Variants in AGO4 observed in about 807,000 individuals in gnomAD.
The protein encoded by AGO4 is argonaute RISC component 4.
Under a neutral mutation model 104.7 loss-of-function variants are expected in AGO4, and 33 were observed. The ratio of observed to expected loss-of-function variants is 0.32; its 90% CI spans 0.24 to 0.42. AGO4 has a LOEUF of 0.42. AGO4 is among the 10% of genes least tolerant of loss of function. The probability of loss-of-function intolerance (pLI) is 1.00; values close to 1 mark genes in which losing one functional copy is unlikely to be tolerated. For missense variants in AGO4, 711 were observed against 1,083.4 expected, an observed-to-expected ratio of 0.66 and a Z score of 4.83; for synonymous variants, 331 against 364.7, an observed-to-expected ratio of 0.91 and a Z score of 1.05.
At chr1:35,829,988 C>T (rs1644139004) in intron 7 of AGO4, among the ~76,000 whole-genome samples, 1 of 151,358 alleles carries the variant, frequency 6.6e-6, no homozygotes, top group African/African-American at 2.4e-5. Context: ...GGCAAGACCC[C>T]TCTATAAAAA....
intron 13 of AGO4, among the ~76,000 whole-genome samples, chr1:35,838,694 G>A (rs1231891078): frequency 1.3e-5 from 2 of 152,180 alleles, no homozygotes; most frequent in Non-Finnish European, 2.9e-5. Flanking sequence ...GGCATTGGGA[G>A]ATTTGAGTAT....
chr1:35,832,002 C>A lies in AGO4; in HGVS notation c.1117-55C>A. On this transcript the variant is annotated intron_variant, in intron 9 of 17. Coordinates refer to ENST00000373210, the MANE Select transcript of AGO4 (RefSeq NM_017629.4). ...AAAAACAAAAGAATAGAAAACTCCTCCTGGGACACAGTTACTCTCTGGTTT... is the reference window on the plus strand; with the variant it reads ...AAAAACAAAAGAATAGAAAACTCCTACTGGGACACAGTTACTCTCTGGTTT... The A allele has an allele frequency of 1.9e-6, 3 of 1,605,682 alleles. No individual in the cohort carries two copies. The South Asian group carries it at 3.4e-5, about 18-fold the overall frequency.
chr1:35,850,650 G>A lies in AGO4; in HGVS notation c.2278-204G>A, dbSNP rs553944901. Among the ~76,000 whole-genome samples, 19 of 151,564 alleles carry A rather than the reference G, an allele frequency of 1.3e-4. No homozygotes were observed. The East Asian group carries it at 1.5e-3, about 12-fold the overall frequency. ...ACAAAAATTATCTGGGCATGGTGGC[G>A]TGCACCTATAGTCCCAGCTACTTGG... On this transcript the variant is annotated intron_variant, in intron 16 of 17. Coordinates refer to ENST00000373210, the MANE Select transcript of AGO4 (RefSeq NM_017629.4).
chr1:35,825,251 TG>T, intron 3 of AGO4, 61 bp from the exon 4 acceptor site: 1 of 1,546,230 alleles, frequency 6.5e-7, no homozygotes, highest in Non-Finnish European at 8.9e-7. Flanking sequence ...TGCATATTCT[TG>T]GGATCTTTCC....
intron 15 of AGO4, among the ~76,000 whole-genome samples, chr1:35,844,029 G>A (rs1324768396): frequency 6.6e-6 from 1 of 152,072 alleles, no homozygotes; most frequent in Admixed American, 6.6e-5. Flanking sequence ...ATTGCTGGGG[G>A]AAAAGTGGTG....
intron 12 of AGO4, 50 bp downstream of exon 12, chr1:35,834,224 T>C (rs752397871): frequency 8.4e-6 from 12 of 1,422,422 alleles, no homozygotes; most frequent in African/African-American, 7.3e-5. Context: ...GCAGTAGATA[T>C]AACAGTCAGG....
intron 1 of AGO4, among the ~76,000 whole-genome samples, chr1:35,811,470 CAA>C (rs113891635): frequency 7.4e-6 from 1 of 135,836 alleles, no homozygotes. Flanking sequence ...CAAAAAAAAA[CAA>C]AAAAAAAAAC....
chr1:35,818,745 G>A (rs1643812659), intron 2 of AGO4, among the ~76,000 whole-genome samples: 1 of 152,080 alleles, frequency 6.6e-6, no homozygotes, highest in South Asian at 2.1e-4. Context: ...TGGAGTGAGT[G>A]AGTGGGGGAG....
chr1:35,840,585 C>T (rs1337104230), intron 13 of AGO4, among the ~76,000 whole-genome samples: 1 of 151,882 alleles, frequency 6.6e-6, no homozygotes, highest in Non-Finnish European at 1.5e-5. Context: ...AGGCGTGAGC[C>T]ACCACGCCCG....
At chr1:35,830,617 C>G (rs1222373023) in intron 7 of AGO4, among the ~76,000 whole-genome samples, 1 of 152,112 alleles carries the variant, frequency 6.6e-6, no homozygotes, top group African/African-American at 2.4e-5. Context: ...TGGAAAATTT[C>G]AATGGAATCA....
intron 15 of AGO4, among the ~76,000 whole-genome samples, chr1:35,846,098 A>G (rs1644566587): frequency 6.6e-6 from 1 of 152,204 alleles, no homozygotes; most frequent in African/African-American, 2.4e-5. Flanking sequence ...GGCACCAGTA[A>G]TACAATCTAC....
chr1:35,840,229 C>G (rs1433275881), intron 13 of AGO4, among the ~76,000 whole-genome samples: 2 of 150,912 alleles, frequency 1.3e-5, no homozygotes, highest in East Asian at 2.0e-4. Flanking sequence ...GTGATCTTGG[C>G]TCACTGCAAC....
At chr1:35,849,316 A>AT (rs1379370200) in intron 15 of AGO4, among the ~76,000 whole-genome samples, 5 of 152,078 alleles carry the variant, frequency 3.3e-5, no homozygotes, top group Non-Finnish European at 5.9e-5. Flanking sequence ...TCTGAAACTG[A>AT]TTTTTTAGTT....
chr1:35,852,614 T>C (rs1644728848), intron 17 of AGO4, among the ~76,000 whole-genome samples: 2 of 152,216 alleles, frequency 1.3e-5, no homozygotes, highest in African/African-American at 4.8e-5. Flanking sequence ...TTGTATTATG[T>C]GCTAGACACC....
chr1:35,845,101 T>C, intron 15 of AGO4, among the ~76,000 whole-genome samples: 1 of 140,176 alleles, frequency 7.1e-6, no homozygotes, highest in Admixed American at 7.6e-5. Flanking sequence ...ACTACCCACC[T>C]TTGTAATCAG....
chr1:35,843,317 C>T (rs750875689), intron 15 of AGO4, among the ~76,000 whole-genome samples: 5 of 152,110 alleles, frequency 3.3e-5, no homozygotes, highest in Non-Finnish European at 7.4e-5. Context: ...CCACCTGCTT[C>T]GGCCTCCCAA....
In AGO4 at chr1:35,823,481, A is replaced by G. The variant is rs144931364; in HGVS notation, c.306+499A>G. Among the ~76,000 whole-genome samples, 782 of 152,134 alleles carry G rather than the reference A, an allele frequency of 5.1e-3. 5 individuals are homozygous for G. Among genetic ancestry groups the G allele is most frequent in the Non-Finnish European group, 6.2e-3 (423 of 68,010 alleles). On this transcript the variant is annotated intron_variant, in intron 3 of 17. Coordinates refer to ENST00000373210, the MANE Select transcript of AGO4 (RefSeq NM_017629.4). The stretch of plus-strand genomic sequence containing the variant: ...TGCTCTGTTGCCCAGGCTGGAGTGC[A>G]GTGGCGCGATCTCGGCGCAGTGCAA...
At chr1:35,833,840 C>A in intron 11 of AGO4, 150 bp from the exon 12 acceptor site, 1 of 659,388 alleles carries the variant, frequency 1.5e-6, no homozygotes, top group Non-Finnish European at 2.2e-6. Context: ...CCATTTTTGG[C>A]AACCAGTTAA....
chr1:35,824,140 AT>A (rs1003072480), intron 3 of AGO4, among the ~76,000 whole-genome samples: 17 of 152,084 alleles, frequency 1.1e-4, no homozygotes, highest in South Asian at 6.2e-4. Flanking sequence ...TTAAACATTT[AT>A]TTTTTTTAAA....
Sources: gnomAD v4.1 joint callset for allele counts (sites outside exome capture counted in the v4.1 genomes callset) on GRCh38, gnomAD v4.1.1 for gene constraint, MANE v1.5 for transcripts, NCBI Gene and HGNC (gene_info 2026-07-23, HGNC 2026-07-21) for gene names.